Variants in OXR1 observed in about 807,000 individuals in gnomAD.
OXR1 encodes oxidation resistance 1.
OXR1 carries 41 observed loss-of-function variants against 104.6 expected under a neutral mutation model. That is an observed-to-expected ratio of 0.39 (90% CI 0.31 to 0.51). OXR1 has a LOEUF of 0.51. Ranked by LOEUF, OXR1 falls within the 20% of genes least tolerant of loss-of-function variation. The pLI is 0.77. For synonymous variants in OXR1, 348 were observed against 348.4 expected (o/e 1.00, Z 0.01); for missense variants, 955 against 1,031.9 (o/e 0.93, Z 1.02).
At chr8:106,340,705 T>C (rs1364920893) in intron 1 of OXR1, among the ~76,000 whole-genome samples, 1 of 152,194 alleles carries the variant, frequency 6.6e-6, no homozygotes, top group Non-Finnish European at 1.5e-5. Context: ...GCTATATTCA[T>C]GGCACTTAGA....
chr8:106,480,124 A>G (rs1822026388), intron 2 of OXR1, among the ~76,000 whole-genome samples: 1 of 151,992 alleles, frequency 6.6e-6, no homozygotes, highest in East Asian at 1.9e-4. Context: ...AGAACTGATT[A>G]CTTTTTCATT....
At chr8:106,548,197 C>A (rs565055029) in intron 3 of OXR1, among the ~76,000 whole-genome samples, 15 of 152,144 alleles carry the variant, frequency 9.9e-5, no homozygotes, top group Non-Finnish European at 2.1e-4. Context: ...ATGAATCTTT[C>A]ATTTTTATAC....
chr8:106,750,693 G>T (rs974979502), intron 16 of OXR1, 113 bp from the exon 17 acceptor site: 3 of 728,616 alleles, frequency 4.1e-6, no homozygotes, highest in Admixed American at 3.1e-5. Flanking sequence ...AAGGAGTAGG[G>T]AAGGATTTGA....
intron 1 of OXR1, among the ~76,000 whole-genome samples, chr8:106,341,245 G>C (rs959044684): frequency 8.6e-5 from 13 of 151,970 alleles, no homozygotes; most frequent in African/African-American, 3.1e-4. Flanking sequence ...TAAAACAACA[G>C]TAAATGCTAC....
intron 3 of OXR1, among the ~76,000 whole-genome samples, chr8:106,581,474 TGTCA>T (rs932683035): frequency 9.2e-5 from 14 of 152,124 alleles, no homozygotes; most frequent in Admixed American, 2.6e-4. Context: ...ATATGTGTGT[TGTCA>T]GTAATATTTT....
intron 3 of OXR1, among the ~76,000 whole-genome samples, chr8:106,668,010 A>T (rs1374946213): frequency 6.6e-6 from 1 of 151,896 alleles, no homozygotes; most frequent in Non-Finnish European, 1.5e-5. Context: ...TGTTATTACA[A>T]TCTTGTTTCA....
At chr8:106,736,113 C>T (rs1430218131) in intron 11 of OXR1, among the ~76,000 whole-genome samples, 1 of 151,988 alleles carries the variant, frequency 6.6e-6, no homozygotes, top group African/African-American at 2.4e-5. Context: ...TTACTATTTT[C>T]ATTGTTTTAT....
chr8:106,641,207 T>C (rs13257240), intron 3 of OXR1, among the ~76,000 whole-genome samples: 4,370 of 152,344 alleles, frequency 0.029, 85 homozygotes, highest in Admixed American at 0.052. Context: ...CCCAGATTTT[T>C]CTGTGCCAAT....
intron 11 of OXR1, among the ~76,000 whole-genome samples, chr8:106,715,428 T>C (rs1172749174): frequency 6.8e-6 from 1 of 148,120 alleles, no homozygotes; most frequent in African/African-American, 2.5e-5. Context: ...GTATATAATA[T>C]ATATATGTAT....
At chr8:106,348,385 C>T (rs1340068971) in intron 1 of OXR1, among the ~76,000 whole-genome samples, 1 of 152,126 alleles carries the variant, frequency 6.6e-6, no homozygotes, top group African/African-American at 2.4e-5. Context: ...CTCGACTTGT[C>T]CCACGTTACT....
Position 106,314,827 on chromosome 8 carries a change from A to G in OXR1, c.-139+44460A>G, listed in dbSNP as rs1813859102. 1.3e-5 allele frequency among the ~76,000 whole-genome samples: 2 copies of G among 152,226 alleles called. 1 individual carries two copies. The highest frequency in any genetic ancestry group is 4.1e-4 in the South Asian group (2 of 4,830). On this transcript the variant is annotated intron_variant, in intron 1 of 16. Coordinates refer to ENST00000517566, the MANE Select transcript of OXR1 (RefSeq NM_001198533.2). ...AACAAGTATCCTAATTTAAGTAAAA[A>G]TAATGGGATTTTATCTGCATTTTAA...
chr8:106,396,926 G>A (rs967874195), intron 2 of OXR1, among the ~76,000 whole-genome samples: 1 of 151,988 alleles, frequency 6.6e-6, no homozygotes, highest in Admixed American at 6.6e-5. Context: ...AAAAACAAAT[G>A]AATGCTGTGT....
chr8:106,368,568 A>G (rs1220774699), intron 2 of OXR1, among the ~76,000 whole-genome samples: 5 of 149,820 alleles, frequency 3.3e-5, no homozygotes, highest in Non-Finnish European at 1.5e-5. Flanking sequence ...ACCCCCCAAC[A>G]GGCCCTGATG....
chr8:106,496,779 AT>A (rs1398471137), intron 2 of OXR1, among the ~76,000 whole-genome samples: 1 of 152,224 alleles, frequency 6.6e-6, no homozygotes, highest in Admixed American at 6.5e-5. Flanking sequence ...TAGGGAGACT[AT>A]TACAGTCGCA....
chr8:106,692,947 A>G (rs1829462554), intron 7 of OXR1, 70 bp downstream of exon 7: 1 of 1,132,824 alleles, frequency 8.8e-7, no homozygotes, highest in Non-Finnish European at 1.2e-6. Flanking sequence ...ATAGTTTGGC[A>G]TTTACATTTT....
intron 2 of OXR1, among the ~76,000 whole-genome samples, chr8:106,517,657 G>A (rs538250902): frequency 6.6e-6 from 1 of 152,192 alleles, no homozygotes; most frequent in East Asian, 1.9e-4. Context: ...TGGTGGGTGT[G>A]GTGTGAGTGC....
intron 1 of OXR1, among the ~76,000 whole-genome samples, chr8:106,301,348 A>G (rs538029402): frequency 1.4e-5 from 2 of 140,614 alleles, no homozygotes; most frequent in East Asian, 3.9e-4. Context: ...TACAACAACT[A>G]TTTAAAATTC....
At chr8:106,428,753 T>C (rs1247937072) in intron 2 of OXR1, among the ~76,000 whole-genome samples, 1 of 152,156 alleles carries the variant, frequency 6.6e-6, no homozygotes, top group African/African-American at 2.4e-5. Context: ...GAAAACTGTC[T>C]AATGACTGGA....
chr8:106,395,468 C>A (rs1817739296), intron 2 of OXR1, among the ~76,000 whole-genome samples: 1 of 152,068 alleles, frequency 6.6e-6, no homozygotes, highest in African/African-American at 2.4e-5. Context: ...AAAGCGGAAA[C>A]CCCAGATAAA....
Sources: allele counts gnomAD v4.1 joint callset (sites outside exome capture counted in the v4.1 genomes callset), GRCh38; gene constraint gnomAD v4.1.1; transcripts MANE v1.5; gene names NCBI Gene and HGNC (gene_info 2026-07-23, HGNC 2026-07-21).